The following CCN6 variants were observed in gnomAD, a reference collection of about 807,000 sequenced individuals.
CCN6 encodes CCN family member 6.
Under a neutral mutation model 37.4 loss-of-function variants are expected in CCN6, and 31 were observed. That is an observed-to-expected ratio of 0.83 (90% confidence interval 0.62 to 1.12). CCN6 has a LOEUF of 1.12. Ranked by LOEUF, CCN6 falls within the 50% of genes most tolerant of loss-of-function variation. The pLI, the probability that CCN6 is intolerant of heterozygous loss-of-function variation, is 0.00. For synonymous variants in CCN6, 137 were observed against 142.1 expected, an observed-to-expected ratio of 0.96 and a Z score of 0.26; for missense variants, 369 against 413.8, an observed-to-expected ratio of 0.89 and a Z score of 0.94.
At position 112,069,453 on chromosome 6, in the gene CCN6, T is replaced by C; in HGVS notation, c.898T>C (p.Leu300=). 4 of 1,613,830 alleles carry C rather than the reference T, an allele frequency of 2.5e-6. No homozygotes were observed. The highest frequency in any genetic ancestry group is 3.4e-6 in the Non-Finnish European group (4 of 1,179,874). Residue 300 remains leucine (L), a synonymous_variant, in exon 5 of 5, where the codon TTG becomes CTG. Transcript: ENST00000368666. The part of the protein sequence containing the change: ...SYKPTFCGIC[L]DKRCCIPNKS... ...CAAACCCACTTTTTGTGGAATATGCTTGGATAAGAGATGCTGTATCCCTAA... is the reference window on the plus strand; with the variant it reads ...CAAACCCACTTTTTGTGGAATATGCCTGGATAAGAGATGCTGTATCCCTAA...
rs1554314673 is a variant in CCN6, at chr6:112,069,279, T to A, written c.784-60T>A. 2.6e-6 allele frequency: 4 copies of A among 1,559,356 alleles called. 1 individual carries two copies. Among genetic ancestry groups the A allele is most frequent in the South Asian group, 2.3e-5 (2 of 87,778 alleles). On this transcript the variant is annotated intron_variant, in intron 4 of 4. Coordinates refer to ENST00000368666, the MANE Select transcript of CCN6 (RefSeq NM_198239.2). ...GATTTGTACTATAAACTATTCTACATGTTTTCAAAACTATTGTAATAAAAT... is the reference window on the plus strand; with the variant it reads ...GATTTGTACTATAAACTATTCTACAAGTTTTCAAAACTATTGTAATAAAAT...
upstream of CCN6, chr6:112,054,059 C>G: frequency 1.7e-6 from 1 of 579,648 alleles, no homozygotes. Flanking sequence ...AGAACAGTCA[C>G]TACTTGCCCT....
intron 1 of CCN6, among the ~76,000 whole-genome samples, chr6:112,055,496 T>G (rs1422169618): frequency 6.6e-6 from 1 of 152,268 alleles, no homozygotes; most frequent in Non-Finnish European, 1.5e-5. Context: ...ACTTTGCTTT[T>G]ATGAATTCAT....
chr6:112,060,034 G>T, intron 1 of CCN6: 1 of 1,366,598 alleles, frequency 7.3e-7, no homozygotes, highest in Non-Finnish European at 9.8e-7. Flanking sequence ...TAGGGGCAGA[G>T]TGTGCTTGGA....
rs1554313512 is a variant in CCN6 at position 112,064,742 on chromosome 6, TTTCTC to T, written c.347-10_347-6del. The T allele has an allele frequency of 2.5e-6, 4 of 1,613,862 alleles. No individual in the cohort carries two copies. Among genetic ancestry groups the T allele is most frequent in the Non-Finnish European group, 3.4e-6 (4 of 1,179,900 alleles). On this transcript the variant is annotated splice_polypyrimidine_tract_variant and splice_region_variant and intron_variant, in intron 2 of 4. Transcript: ENST00000368666. Reference sequence around the variant, plus strand: ...ATGGCTTCTTTGGCAATTTTGCTCTTTTCTCTTTTCAGACCTTGTAGCTGTTGGGT... The same window carrying T: ...ATGGCTTCTTTGGCAATTTTGCTCTTTTTTCAGACCTTGTAGCTGTTGGGT...
intron 3 of CCN6, among the ~76,000 whole-genome samples, chr6:112,066,284 G>A (rs62416960): frequency 0.031 from 4,691 of 150,788 alleles, 109 homozygotes; most frequent in Middle Eastern, 0.092. Flanking sequence ...TTTTCAAAAT[G>A]TACAGAACAG....
chr6:112,055,738 A>G (rs1776328761), intron 1 of CCN6, among the ~76,000 whole-genome samples: 1 of 152,078 alleles, frequency 6.6e-6, no homozygotes, highest in African/African-American at 2.4e-5. Context: ...TTACAGGCCT[A>G]CACCACCATG....
At chr6:112,061,630 C>T (rs930526169) in intron 2 of CCN6, among the ~76,000 whole-genome samples, 2 of 152,062 alleles carry the variant, frequency 1.3e-5, no homozygotes, top group African/African-American at 2.4e-5. Flanking sequence ...AAAAACAATC[C>T]GAATTCGGCC....
Position 112,064,740 on chromosome 6 carries a change from C to T in CCN6, c.347-15C>T. On this transcript the variant is annotated splice_polypyrimidine_tract_variant and intron_variant, in intron 2 of 4. Transcript: ENST00000368666. ...TCATGGCTTCTTTGGCAATTTTGCT[C>T]TTTTCTCTTTTCAGACCTTGTAGCT... 6.2e-7 allele frequency: 1 copy of T among 1,613,904 alleles called. No homozygotes were observed. Among genetic ancestry groups the T allele is most frequent in the Non-Finnish European group, 8.5e-7 (1 of 1,179,874 alleles).
Position 112,068,399 on chromosome 6 carries a change from GTAAAGTT to G in CCN6, c.783+6_783+12del. The stretch of plus-strand genomic sequence containing the variant: ...CAGCAATATATTAAAGACAATAAAG[GTAAAGTT>G]TAAATATATTTAACTTAATTCAATA... On this transcript the variant is annotated splice_donor_variant and splice_donor_5th_base_variant and intron_variant, in intron 4 of 4. Coordinates refer to ENST00000368666, the MANE Select transcript of CCN6 (RefSeq NM_198239.2). LOFTEE classifies it high-confidence loss of function. 1 of 1,605,082 alleles carries G rather than the reference GTAAAGTT, an allele frequency of 6.2e-7. No homozygotes were observed. Among genetic ancestry groups the G allele is most frequent in the Non-Finnish European group, 8.5e-7 (1 of 1,174,758 alleles).
chr6:112,066,650 C>T (rs1776704726), intron 3 of CCN6, among the ~76,000 whole-genome samples: 1 of 152,182 alleles, frequency 6.6e-6, no homozygotes, highest in Admixed American at 6.5e-5. Flanking sequence ...ATGGCCCACA[C>T]AGGAATTTGG....
chr6:112,054,269 C>T lies in CCN6; in HGVS notation c.-89C>T. 6.3e-7 allele frequency: 1 copy of T among 1,588,994 alleles called. No homozygotes were observed. The highest frequency in any genetic ancestry group is 1.3e-5 in the African/African-American group (1 of 74,462). ...CTTGTGCAGAGGAGCGTGGGGTTTGCAGAGGAGACAGGGGAGCTTTGTGTA... is the reference window on the plus strand; with the variant it reads ...CTTGTGCAGAGGAGCGTGGGGTTTGTAGAGGAGACAGGGGAGCTTTGTGTA... On this transcript the variant is annotated 5_prime_UTR_variant, in exon 1 of 5. Coordinates refer to ENST00000368666, the MANE Select transcript of CCN6 (RefSeq NM_198239.2).
rs1275481756 is a variant in CCN6 at position 112,068,457 on chromosome 6, T to C, written c.783+59T>C. The C allele has an allele frequency of 2.7e-6, 4 of 1,479,254 alleles. No homozygotes were observed. In the African/African-American group the frequency reaches 4.2e-5, roughly 16 times the overall value. 91.6% of individuals were successfully genotyped at this position (1,479,254 alleles called of 1,614,324 possible). A position where few individuals can be genotyped will look rare whatever the true frequency, so the allele number is the denominator to read the frequency against. On this transcript the variant is annotated intron_variant, in intron 4 of 4. Coordinates refer to ENST00000368666, the MANE Select transcript of CCN6 (RefSeq NM_198239.2). ...TTAAGAGATTCCTGAAAAGTAAGCA[T>C]GTGTGTGTTTTGGAGGGTGGGATGG...
At position 112,064,861 on chromosome 6, in the gene CCN6, A is replaced by T; in HGVS notation, c.453A>T (p.Gly151=). 2 of 1,614,076 alleles carry T rather than the reference A, an allele frequency of 1.2e-6. No individual in the cohort carries two copies. The highest frequency in any genetic ancestry group is 1.7e-6 in the Non-Finnish European group (2 of 1,179,966). ...FSCLCVSGAI[G]CTPLFIPKLA... is the part of the protein sequence containing the mutation. ...GCCTCTGTGTGAGTGGGGCCATTGGATGCACACCTCTGTTCATACCAAAGC... is the reference window on the plus strand; with the variant it reads ...GCCTCTGTGTGAGTGGGGCCATTGGTTGCACACCTCTGTTCATACCAAAGC... The change falls in exon 3 of 5, where the codon GGA becomes GGT. Residue 151 remains glycine (G), a synonymous_variant. Coordinates refer to ENST00000368666, the MANE Select transcript of CCN6 (RefSeq NM_198239.2).
intron 2 of CCN6, among the ~76,000 whole-genome samples, chr6:112,061,774 A>C (rs979665598): frequency 6.6e-6 from 1 of 152,184 alleles, no homozygotes; most frequent in Non-Finnish European, 1.5e-5. Context: ...ATTTGTAAAA[A>C]AAGAAGGTGA....
intron 1 of CCN6, among the ~76,000 whole-genome samples, chr6:112,055,667 T>G: frequency 6.6e-6 from 1 of 152,178 alleles, no homozygotes; most frequent in East Asian, 1.9e-4. Flanking sequence ...CTTGGGTCAC[T>G]GCAACCTCCA....
intron 3 of CCN6, 130 bp downstream of exon 3, chr6:112,065,127 C>A: frequency 1.4e-6 from 2 of 1,411,972 alleles, no homozygotes; most frequent in Admixed American, 1.7e-5. Context: ...TTGAGTGTAT[C>A]ATTTTACTTA....
intron 1 of CCN6, among the ~76,000 whole-genome samples, chr6:112,058,078 A>G (rs1554312117): frequency 6.6e-6 from 1 of 152,150 alleles, no homozygotes; most frequent in African/African-American, 2.4e-5. Context: ...AATTTTTTTA[A>G]GTTTAAAATT....
intron 2 of CCN6, among the ~76,000 whole-genome samples, chr6:112,064,521 G>A (rs189731322): frequency 7.8e-4 from 119 of 152,190 alleles, no homozygotes; most frequent in African/African-American, 2.8e-3. Flanking sequence ...TCTTTACTTG[G>A]TCTTAATTCT....
Sources: allele counts gnomAD v4.1 joint callset (sites outside exome capture counted in the v4.1 genomes callset), GRCh38; gene constraint gnomAD v4.1.1; transcripts MANE v1.5; gene names NCBI Gene and HGNC (gene_info 2026-07-23, HGNC 2026-07-21).